Variants in CDK10 observed in about 807,000 individuals in gnomAD.
The protein encoded by CDK10 is cyclin-dependent kinase 10.
In CDK10, 55 loss-of-function variants were observed where a neutral mutation model predicts 51.0. That is an observed-to-expected ratio of 1.08 (90% CI 0.87 to 1.35). The LOEUF is 1.35. Ranked by LOEUF, CDK10 falls within the 40% of genes most tolerant of loss-of-function variation. The pLI, the probability that CDK10 is intolerant of heterozygous loss-of-function variation, is 0.00. For missense variants in CDK10, 589 were observed against 485.1 expected, an observed-to-expected ratio of 1.21 and a Z score of -2.01; for synonymous variants, 255 against 199.1, an observed-to-expected ratio of 1.28 and a Z score of -2.36.
chr16:89,690,712 C>T (rs1275392564), intron 3 of CDK10, 88 bp downstream of exon 3: 17 of 1,180,134 alleles, frequency 1.4e-5, no homozygotes, highest in Middle Eastern at 2.0e-4. Context: ...AGCGACTGCA[C>T]GGTGCTTGTA....
intron 1 of CDK10, chr16:89,687,760 G>A (rs1567509413): frequency 8.2e-6 from 3 of 364,102 alleles, no homozygotes; most frequent in Non-Finnish European, 1.7e-5. Context: ...CAGGAAGTGT[G>A]ACAAGGATTT....
rs1597879104 is a variant in CDK10 at position 89,695,287 on chromosome 16, C to T, written c.933-6C>T. The T allele has an allele frequency of 1.2e-6, 2 of 1,609,764 alleles. No homozygotes were observed. The highest frequency in any genetic ancestry group is 1.7e-5 in the Admixed American group (1 of 59,776). On this transcript the variant is annotated splice_polypyrimidine_tract_variant and splice_region_variant and intron_variant, in intron 11 of 12. Transcript: ENST00000353379. ...AAGTCGCACTAACGCAGGCTGCCTC[C>T]TCCAGGGCGACGGCCGGGGACTGCC... is the stretch of plus-strand genomic sequence containing the variant.
intron 4 of CDK10, 69 bp from the exon 5 acceptor site, chr16:89,691,737 C>T: frequency 7.0e-7 from 1 of 1,430,690 alleles, no homozygotes; most frequent in Non-Finnish European, 9.9e-7. Flanking sequence ...CCTCCTGCAG[C>T]AGGGGAGGCT....
intron 1 of CDK10, 121 bp from the exon 2 acceptor site, chr16:89,689,131 T>G: frequency 1.9e-5 from 16 of 836,356 alleles, no homozygotes; most frequent in African/African-American, 3.4e-5. Flanking sequence ...AAACGTGTGG[T>G]TGCCTTTCTG....
rs1460758596 is a variant in CDK10 at position 89,695,447 on chromosome 16, C to T, written c.985+102C>T. On this transcript the variant is annotated intron_variant, in intron 12 of 12. Transcript: ENST00000353379. ...AGTGGCCTGCTGCCCTCACTGACGG[C>T]ACACCCTTTCTGGGGTAAGAGGACA... 3 of 1,480,424 alleles carry T rather than the reference C, an allele frequency of 2.0e-6. No individual in the cohort carries two copies. In the Admixed American group the frequency reaches 5.2e-5, roughly 26 times the overall value. 91.7% of individuals were successfully genotyped at this position (1,480,424 alleles called of 1,614,324 possible).
At position 89,696,277 on chromosome 16, in the gene CDK10, G is replaced by T. The variant is rs1410538203; in HGVS notation, c.*585G>T. ...GAGCTGCATCCCTGCTCCCCACATG[G>T]AGGACCCAACAGGAGGCCGTGGCTC... On this transcript the variant is annotated 3_prime_UTR_variant, in exon 13 of 13. Transcript: ENST00000353379. 2.7e-5 allele frequency: 6 copies of T among 226,128 alleles called. No individual in the cohort carries two copies. The highest frequency in any genetic ancestry group is 5.3e-5 in the Non-Finnish European group (6 of 113,234). The allele number at this position is 226,128 out of a possible 1,614,324, so 14.0% of individuals were successfully genotyped here. A position where few individuals can be genotyped will look rare whatever the true frequency, so the allele number is the denominator to read the frequency against.
Position 89,696,168 on chromosome 16 carries a change from T to G in CDK10, c.*476T>G. The G allele has an allele frequency of 2.7e-6, 1 of 377,262 alleles. No homozygotes were observed. Among genetic ancestry groups the G allele is most frequent in the Non-Finnish European group, 5.0e-6 (1 of 198,350 alleles). 23.4% of individuals were successfully genotyped at this position (377,262 alleles called of 1,614,324 possible). On this transcript the variant is annotated 3_prime_UTR_variant, in exon 13 of 13. Coordinates refer to ENST00000353379, the MANE Select transcript of CDK10 (RefSeq NM_052988.5). ...CAGGTGGGCCTGGCAGGACTCCAGA[T>G]GAGGACAAGAGGGACAAGGTATGGG... is the stretch of plus-strand genomic sequence containing the variant.
At chr16:89,694,493 G>A (rs1482695656) in intron 9 of CDK10, 172 bp from the exon 10 acceptor site, 9 of 1,235,070 alleles carry the variant, frequency 7.3e-6, no homozygotes, top group Admixed American at 2.0e-5. Flanking sequence ...GGAGGCCTGC[G>A]GGGCCCAGGA....
In CDK10 at chr16:89,693,294, T is replaced by TG. The variant is rs769583043; in HGVS notation, c.507dup (p.Leu170AlafsTer39). ...CACAGGGACCTGAAGGTTTCCAACTTGCTCATGACCGACAAGGGTTGTGTG... is the reference window on the plus strand; with the variant it reads ...CACAGGGACCTGAAGGTTTCCAACTTGGCTCATGACCGACAAGGGTTGTGTG... On this transcript the variant is annotated frameshift_variant, in exon 7 of 13. Transcript: ENST00000353379. LOFTEE classifies it high-confidence loss of function. The TG allele has an allele frequency of 1.9e-6, 3 of 1,614,174 alleles. No homozygotes were observed. The South Asian group carries it at 3.3e-5, about 18-fold the overall frequency.
At position 89,689,053 on chromosome 16, in the gene CDK10, T is replaced by C. The variant is rs541415573; in HGVS notation, c.88-199T>C. ...AGGCGGAGGTTGCAGTGAACCATGT[T>C]CTTGCCACTGCACTCCAGCCTGGGC... On this transcript the variant is annotated intron_variant, in intron 1 of 12. Transcript: ENST00000353379. Among the ~76,000 whole-genome samples, 4 of 151,078 alleles carry C rather than the reference T, an allele frequency of 2.6e-5. No individual in the cohort carries two copies. The South Asian group carries it at 8.3e-4, about 31-fold the overall frequency.
chr16:89,692,505 C>T lies in CDK10; in HGVS notation c.474C>T (p.Phe158=), dbSNP rs1233106178. 8.2e-6 allele frequency: 13 copies of T among 1,592,388 alleles called. No individual in the cohort carries two copies. Among genetic ancestry groups the T allele is most frequent in the African/African-American group, 1.4e-5 (1 of 73,272 alleles). The change falls in exon 6 of 13, where the codon TTC becomes TTT. Residue 158 remains phenylalanine (F), a synonymous_variant. Transcript: ENST00000353379. ...GCCTCCAGTATCTGCACAGGAACTT[C>T]ATTATCCACAGGTGGGTGACAGCTA... ...LRGLQYLHRN[F]IIHRDLKVSN... is the part of the protein sequence containing the mutation.
chr16:89,686,902 C>A, intron 1 of CDK10, 105 bp downstream of exon 1: 1 of 974,090 alleles, frequency 1.0e-6, no homozygotes, highest in Non-Finnish European at 1.5e-6. Context: ...GCTTCCGGCA[C>A]GGGCGGGAAC....
At position 89,695,875 on chromosome 16, in the gene CDK10, G is replaced by C. The variant is rs2060701728; in HGVS notation, c.*183G>C. ...AACCCACTGCTGCCCCCAGAAAAAG[G>C]CCGGGTGACACCGGGGGGCTCCCAG... On this transcript the variant is annotated 3_prime_UTR_variant, in exon 13 of 13. Transcript: ENST00000353379. 3 of 1,400,582 alleles carry C rather than the reference G, an allele frequency of 2.1e-6. No homozygotes were observed. The Admixed American group carries it at 5.9e-5, about 28-fold the overall frequency. The allele number at this position is 1,400,582 out of a possible 1,614,324, so 86.8% of individuals were successfully genotyped here. A position where few individuals can be genotyped will look rare whatever the true frequency, so the allele number is the denominator to read the frequency against.
intron 11 of CDK10, 75 bp from the exon 12 acceptor site, chr16:89,695,218 C>T: frequency 1.3e-6 from 2 of 1,547,216 alleles, no homozygotes; most frequent in Non-Finnish European, 8.8e-7. Flanking sequence ...GCATTTGAAT[C>T]ACAGGCTGCT....
intron 10 of CDK10, 50 bp downstream of exon 10, chr16:89,694,838 GCGCCCGCAGCCCCCGCCCGTGCCCACGC>G (rs762645053): frequency 9.4e-6 from 11 of 1,168,248 alleles, no homozygotes; most frequent in Non-Finnish European, 1.1e-5. Flanking sequence ...CACGCCCTCT[GCGCCCGCAGCCCCCGCCCGTGCCCACGC>G]CCTCTGCGCC....
chr16:89,689,689 TTTTG>T, intron 2 of CDK10: 1 of 220,362 alleles, frequency 4.5e-6, no homozygotes, highest in South Asian at 6.2e-5. Flanking sequence ...TGTTTTTTCT[TTTTG>T]TTTGTTTTTG....
chr16:89,690,377 GGA>G, intron 2 of CDK10, 174 bp from the exon 3 acceptor site: 1 of 627,722 alleles, frequency 1.6e-6, no homozygotes, highest in Non-Finnish European at 2.9e-6. Context: ...ACCCTCCGGG[GGA>G]ACGCGTCTCG....
At chr16:89,693,129 C>T (rs2060529546) in intron 6 of CDK10, 145 bp from the exon 7 acceptor site, 1 of 662,614 alleles carries the variant, frequency 1.5e-6, no homozygotes, top group East Asian at 2.7e-5. Context: ...CAGAGTGAGA[C>T]TCTGTCTCAA....
chr16:89,694,281 A>G (rs2060592206), intron 9 of CDK10, 49 bp downstream of exon 9: 1 of 1,582,710 alleles, frequency 6.3e-7, no homozygotes, highest in Non-Finnish European at 8.7e-7. Context: ...GGGCTGGGAC[A>G]GGAGCCGGGT....
Sources: gnomAD v4.1 joint callset for allele counts (sites outside exome capture counted in the v4.1 genomes callset) on GRCh38, gnomAD v4.1.1 for gene constraint, MANE v1.5 for transcripts, NCBI Gene and HGNC (gene_info 2026-07-23, HGNC 2026-07-21) for gene names.